Variants in CACNA1B observed in about 807,000 individuals in gnomAD.
The protein encoded by CACNA1B is calcium voltage-gated channel subunit alpha1 B.
A neutral mutation model predicts 247.2 loss-of-function variants in CACNA1B; 70 were observed. The ratio of observed to expected loss-of-function variants is 0.28; its 90% CI spans 0.23 to 0.35. The LOEUF (loss-of-function observed/expected upper bound fraction) is 0.35, where lower values mean the gene tolerates loss of function less well. Ranked by LOEUF, CACNA1B falls within the 10% of genes least tolerant of loss-of-function variation. CACNA1B has a pLI of 1.00. For synonymous variants in CACNA1B, 1,231 were observed against 1,294.4 expected (o/e 0.95, Z 1.05); for missense variants, 2,367 against 3,197.4 (o/e 0.74, Z 6.26).
intron 20 of CACNA1B, among the ~76,000 whole-genome samples, chr9:138,033,322 T>G (rs2133453112): frequency 6.6e-6 from 1 of 152,372 alleles, no homozygotes; most frequent in Middle Eastern, 3.4e-3. Context: ...TTAAATTATC[T>G]GTTGAGCATT....
chr9:138,061,788 G>A (rs1959734019), intron 31 of CACNA1B, among the ~76,000 whole-genome samples: 1 of 152,228 alleles, frequency 6.6e-6, no homozygotes, highest in South Asian at 2.1e-4. Flanking sequence ...AGGGTGTTCT[G>A]ATATAATCAG....
In CACNA1B at chr9:138,023,458, G is replaced by C; in HGVS notation, c.2715G>C (p.Glu905Asp). Residue 905 changes from glutamate (E) to aspartate (D), a missense_variant, in exon 19 of 47, where the codon GAG becomes GAC. Transcript: ENST00000371372. ...EAAGPPEARS[E>D]RGRGPGPEGG... Reference sequence around the variant, plus strand: ...CGGGGCCCCCGGAGGCGCGGAGCGAGCGCGGCCGAGGCCCAGGCCCCGAGG... The same window carrying C: ...CGGGGCCCCCGGAGGCGCGGAGCGACCGCGGCCGAGGCCCAGGCCCCGAGG... 1 of 1,210,894 alleles carries C rather than the reference G, an allele frequency of 8.3e-7. No homozygotes were observed. The highest frequency in any genetic ancestry group is 3.5e-5 in the East Asian group (1 of 28,752). 75.0% of individuals were successfully genotyped at this position (1,210,894 alleles called of 1,614,324 possible). A position where few individuals can be genotyped will look rare whatever the true frequency, so the allele number is the denominator to read the frequency against.
rs1483219414 is a variant in CACNA1B at position 137,888,772 on chromosome 9, T to A, written c.530+5889T>A. 6.6e-6 allele frequency among the ~76,000 whole-genome samples: 1 copy of A among 152,234 alleles called. No homozygotes were observed. Among genetic ancestry groups the A allele is most frequent in the Non-Finnish European group, 1.5e-5 (1 of 68,038 alleles). On this transcript the variant is annotated intron_variant, in intron 3 of 46. Transcript: ENST00000371372. The surrounding 1 kb of genome is among the most constrained non-coding windows in gnomAD (Gnocchi z 4.7). Reference sequence around the variant, plus strand: ...GACCCTGAGCTTCCTGGGCAACCACTGTGGCCTCCTGTTCTTTTGGGCTTT... The same window carrying A: ...GACCCTGAGCTTCCTGGGCAACCACAGTGGCCTCCTGTTCTTTTGGGCTTT...
intron 38 of CACNA1B, among the ~76,000 whole-genome samples, chr9:138,103,713 G>C (rs975989954): frequency 1.3e-5 from 2 of 152,246 alleles, no homozygotes; most frequent in Admixed American, 1.3e-4. Flanking sequence ...AACGGCCTGT[G>C]GTTCAGCCAA....
Position 138,092,854 on chromosome 9 carries a change from G to A in CACNA1B, c.5095-3630G>A, listed in dbSNP as rs571914416. Reference sequence around the variant, plus strand: ...TGCCGTGGCTTCAGCCGGTCCCTCCGTTCAGGGTCCCTGACTTCCTGCAAC... The same window carrying A: ...TGCCGTGGCTTCAGCCGGTCCCTCCATTCAGGGTCCCTGACTTCCTGCAAC... On this transcript the variant is annotated intron_variant, in intron 36 of 46. Coordinates refer to ENST00000371372, the MANE Select transcript of CACNA1B (RefSeq NM_000718.4). Among the ~76,000 whole-genome samples the A allele has an allele frequency of 4.5e-4, 69 of 152,270 alleles. 1 individual carries two copies. The highest frequency in any genetic ancestry group is 1.3e-3 in the African/African-American group (54 of 41,546).
intron 25 of CACNA1B, 60 bp from the exon 26 acceptor site, chr9:138,053,786 G>T: frequency 2.8e-5 from 32 of 1,138,714 alleles, no homozygotes; most frequent in South Asian, 1.1e-4. Context: ...TCCCCCTCAT[G>T]GCCCCACTCT....
chr9:137,894,449 C>T lies in CACNA1B; in HGVS notation c.530+11566C>T, dbSNP rs935423122. Among the ~76,000 whole-genome samples, 6 of 151,828 alleles carry T rather than the reference C, an allele frequency of 4.0e-5. No individual in the cohort carries two copies. In the East Asian group the frequency reaches 1.2e-3, roughly 29 times the overall value. Reference sequence around the variant, plus strand: ...ATTTTTTTTCAGATGGAGTCTCGCTCTGTCATCCAGGCTGGAGTGCAGTGG... The same window carrying T: ...ATTTTTTTTCAGATGGAGTCTCGCTTTGTCATCCAGGCTGGAGTGCAGTGG... On this transcript the variant is annotated intron_variant, in intron 3 of 46. Transcript: ENST00000371372.
rs1960678737 is a variant in CACNA1B, at chr9:138,085,922, G to A, written c.5094+7664G>A. Reference sequence around the variant, plus strand: ...AGGGAGTCCTACATCTGGAAGCAAAGACATGATAATTACTATCGTGAAAAC... The same window carrying A: ...AGGGAGTCCTACATCTGGAAGCAAAAACATGATAATTACTATCGTGAAAAC... On this transcript the variant is annotated intron_variant, in intron 36 of 46. Transcript: ENST00000371372. Among the ~76,000 whole-genome samples the A allele has an allele frequency of 1.3e-5, 2 of 151,256 alleles. 1 individual carries two copies. Among genetic ancestry groups the A allele is most frequent in the African/African-American group, 4.9e-5 (2 of 40,882 alleles).
intron 39 of CACNA1B, among the ~76,000 whole-genome samples, chr9:138,106,489 G>A (rs568899871): frequency 5.3e-5 from 8 of 152,188 alleles, no homozygotes; most frequent in Non-Finnish European, 7.3e-5. Flanking sequence ...CAAAAAGTTC[G>A]CTGGGCGCGG....
intron 11 of CACNA1B, 89 bp from the exon 12 acceptor site, chr9:137,975,818 G>T: frequency 6.4e-6 from 5 of 780,090 alleles, no homozygotes; most frequent in Non-Finnish European, 1.1e-5. Context: ...CCCTGGGAAG[G>T]CCCAGAGGTC....
At chr9:138,074,224 C>T (rs145396322) in intron 34 of CACNA1B, among the ~76,000 whole-genome samples, 158 bp downstream of exon 34, 3 of 151,920 alleles carry the variant, frequency 2.0e-5, no homozygotes, top group East Asian at 1.9e-4. Context: ...GCTGAACTTA[C>T]GTAATCCTCT....
intron 3 of CACNA1B, among the ~76,000 whole-genome samples, chr9:137,885,358 G>A (rs1342668535): frequency 2.6e-5 from 4 of 152,206 alleles, no homozygotes; most frequent in African/African-American, 7.2e-5. Context: ...TCTGCTGTGC[G>A]GCGAGTGCTG....
At chr9:137,922,111 TCA>T (rs1957492026) in intron 6 of CACNA1B, among the ~76,000 whole-genome samples, 1 of 101,824 alleles carries the variant, frequency 9.8e-6, no homozygotes, top group Admixed American at 1.1e-4. Flanking sequence ...AGCACCGCGA[TCA>T]CACAGCATCC....
intron 12 of CACNA1B, among the ~76,000 whole-genome samples, chr9:137,978,024 A>C (rs1958242850): frequency 7.4e-6 from 1 of 135,712 alleles, no homozygotes; most frequent in African/African-American, 2.8e-5. Flanking sequence ...CCCCCCCAGG[A>C]AGGAGTGAAG....
rs1323624904 is a variant in CACNA1B at position 138,051,437 on chromosome 9, GTC to G, written c.3711-653_3711-652del. 6.6e-6 allele frequency among the ~76,000 whole-genome samples: 1 copy of G among 151,494 alleles called. No homozygotes were observed. The highest frequency in any genetic ancestry group is 2.4e-5 in the African/African-American group (1 of 41,154). On this transcript the variant is annotated intron_variant, in intron 24 of 46. Coordinates refer to ENST00000371372, the MANE Select transcript of CACNA1B (RefSeq NM_000718.4). The surrounding 1 kb of genome is among the most constrained non-coding windows in gnomAD (Gnocchi z 4.3). ...GCTGCTTTCTGGGTAGCATTGATATGTCTGTCTCTATGGCTCTCCCTCCCTCC... is the reference window on the plus strand; with the variant it reads ...GCTGCTTTCTGGGTAGCATTGATATGTGTCTCTATGGCTCTCCCTCCCTCC...
At chr9:138,000,177 C>T (rs1030813007) in intron 15 of CACNA1B, among the ~76,000 whole-genome samples, 2 of 151,156 alleles carry the variant, frequency 1.3e-5, no homozygotes, top group Non-Finnish European at 1.5e-5. Flanking sequence ...CGGCTCACTG[C>T]AAGCTCCGCC....
In CACNA1B at chr9:138,014,068, G is replaced by A. The variant is rs141515330; in HGVS notation, c.2267+833G>A. On this transcript the variant is annotated intron_variant, in intron 18 of 46. Coordinates refer to ENST00000371372, the MANE Select transcript of CACNA1B (RefSeq NM_000718.4). The surrounding 1 kb of genome is among the most constrained non-coding windows in gnomAD (Gnocchi z 6.2). The stretch of plus-strand genomic sequence containing the variant: ...CGCCCTGCCGTGAACACGGAACACA[G>A]GGCCGGGTGCAGCCACAGGTGCATC... 0.011 allele frequency among the ~76,000 whole-genome samples: 1,612 copies of A among 152,386 alleles called. 26 individuals are homozygous for A. Among genetic ancestry groups the A allele is most frequent in the African/African-American group, 0.037 (1,544 of 41,594 alleles).
chr9:137,982,408 A>C (rs970004384), intron 12 of CACNA1B, among the ~76,000 whole-genome samples: 2 of 152,236 alleles, frequency 1.3e-5, no homozygotes, highest in Non-Finnish European at 1.5e-5. Flanking sequence ...AGAGTTCCCA[A>C]GACAGAAACC....
At chr9:138,013,003 C>T in intron 17 of CACNA1B, 126 bp from the exon 18 acceptor site, 1 of 667,806 alleles carries the variant, frequency 1.5e-6, no homozygotes, top group Non-Finnish European at 2.5e-6. Context: ...CCTGTCTCCA[C>T]TGGATAGAGA....
Sources: gnomAD v4.1 joint callset for allele counts (sites outside exome capture counted in the v4.1 genomes callset) on GRCh38, gnomAD v4.1.1 for gene constraint, Gnocchi (gnomAD v3.1) non-coding constraint, MANE v1.5 for transcripts, NCBI Gene and HGNC (gene_info 2026-07-23, HGNC 2026-07-21) for gene names.